The following TXLNG variants were observed in gnomAD, a reference collection of about 807,000 sequenced individuals.
TXLNG encodes the protein taxilin gamma.
In TXLNG, 5 loss-of-function variants were observed where a neutral mutation model predicts 38.8. That is an observed-to-expected ratio of 0.13 (90% CI 0.07 to 0.27). The LOEUF (loss-of-function observed/expected upper bound fraction) is 0.27. Among genes scored for constraint, TXLNG ranks in the 10% least tolerant of loss-of-function variants. The probability of loss-of-function intolerance (pLI) is 1.00; values close to 1 mark genes in which losing one functional copy is unlikely to be tolerated. For synonymous variants in TXLNG, 182 were observed against 158.2 expected, an observed-to-expected ratio of 1.15 and a Z score of -1.13; for missense variants, 393 against 398.2, an observed-to-expected ratio of 0.99 and a Z score of 0.11.
chrX:16,842,161 CATA>C lies in TXLNG; in HGVS notation c.*399_*401del, dbSNP rs1359534355. 1 of 104,484 alleles carries C rather than the reference CATA, an allele frequency of 9.6e-6. No individual in the cohort carries two copies. The highest frequency in any genetic ancestry group is 3.8e-5 in the African/African-American group (1 of 26,158). 8.6% of individuals were successfully genotyped at this position (104,484 alleles called of 1,213,427 possible). On this transcript the variant is annotated 3_prime_UTR_variant, in exon 10 of 10. Coordinates refer to ENST00000380122, the MANE Select transcript of TXLNG (RefSeq NM_018360.3). The stretch of plus-strand genomic sequence containing the variant: ...ATTTAAACGTCTTAGCCCCCCCCCC[CATA>C]ATATTATTCAGAAAAACAAAATACC...
intron 8 of TXLNG, among the ~76,000 whole-genome samples, chrX:16,838,803 C>T (rs1360765943): frequency 8.9e-6 from 1 of 112,020 alleles, no homozygotes; most frequent in Non-Finnish European, 1.9e-5. Context: ...TTCCCGCCTC[C>T]TGGATCTGCC....
At chrX:16,822,357 A>G (rs1403163998) in intron 3 of TXLNG, among the ~76,000 whole-genome samples, 12 of 110,701 alleles carry the variant, frequency 1.1e-4, no homozygotes, top group Non-Finnish European at 2.3e-4. Flanking sequence ...AAAAAAAATG[A>G]CAGTTACTTT....
In TXLNG at chrX:16,829,639, C is replaced by T; in HGVS notation, c.733C>T (p.Gln245Ter). 1 of 1,211,715 alleles carries T rather than the reference C, an allele frequency of 8.3e-7. No individual in the cohort carries two copies. The highest frequency in any genetic ancestry group is 1.1e-6 in the Non-Finnish European group (1 of 895,495). Residue 245 changes from glutamine (Q) to a stop codon, truncating the protein, a stop_gained, in exon 5 of 10, where the codon CAG (glutamine) becomes TAG (stop). Transcript: ENST00000380122. LOFTEE classifies it high-confidence loss of function. ...ERRKEATAHFQITLNEIQAQL... is the reference protein window; with the variant it reads ...ERRKEATAHF ...ACGTAAAGAAGCAACTGCACATTTCCAGATTACCTTAAATGAAATTCAAGC... is the reference window on the plus strand; with the variant it reads ...ACGTAAAGAAGCAACTGCACATTTCTAGATTACCTTAAATGAAATTCAAGC...
At chrX:16,792,306 T>C (rs1927729859) in intron 1 of TXLNG, among the ~76,000 whole-genome samples, 1 of 111,820 alleles carries the variant, frequency 8.9e-6, no homozygotes, top group Non-Finnish European at 1.9e-5. Context: ...TAATTGATAG[T>C]ATGACAGATG....
chrX:16,838,377 G>T (rs1326233908), intron 8 of TXLNG, among the ~76,000 whole-genome samples: 1 of 111,934 alleles, frequency 8.9e-6, no homozygotes, highest in East Asian at 2.8e-4. Flanking sequence ...CACTTTGTTA[G>T]CATTCAGTAG....
chrX:16,801,456 G>T (rs1602362720), intron 1 of TXLNG, among the ~76,000 whole-genome samples: 1 of 112,157 alleles, frequency 8.9e-6, no homozygotes, highest in East Asian at 2.8e-4. Flanking sequence ...AAAGTGCTGG[G>T]ATTGCAGGCG....
chrX:16,792,851 C>T (rs1927750834), intron 1 of TXLNG, among the ~76,000 whole-genome samples: 1 of 110,165 alleles, frequency 9.1e-6, no homozygotes, highest in Non-Finnish European at 1.9e-5. Context: ...AATCCCAGCA[C>T]TTTGGAAGGC....
At position 16,843,039 on chromosome X, in the gene TXLNG, A is replaced by C. The variant is rs1929919488; in HGVS notation, c.*1273A>C. 8.9e-6 allele frequency: 1 copy of C among 112,506 alleles called. No homozygotes were observed. Among genetic ancestry groups the C allele is most frequent in the Non-Finnish European group, 1.9e-5 (1 of 53,329 alleles). The allele number at this position is 112,506 out of a possible 1,213,427, so 9.3% of individuals were successfully genotyped here. A position where few individuals can be genotyped will look rare whatever the true frequency, so the allele number is the denominator to read the frequency against. On this transcript the variant is annotated 3_prime_UTR_variant, in exon 10 of 10. Coordinates refer to ENST00000380122, the MANE Select transcript of TXLNG (RefSeq NM_018360.3). The stretch of plus-strand genomic sequence containing the variant: ...TGTTGAATGTGGCGCAGTTATGCAG[A>C]TGATTAATCAGGCTGCACTGATGGA...
intron 3 of TXLNG, among the ~76,000 whole-genome samples, chrX:16,821,327 A>C (rs1445265474): frequency 1.9e-5 from 2 of 104,005 alleles, no homozygotes; most frequent in Non-Finnish European, 3.9e-5. Flanking sequence ...TTTTTAGTAG[A>C]GATGGGTTTC....
chrX:16,821,357 T>C (rs1045599984), intron 3 of TXLNG, among the ~76,000 whole-genome samples: 3 of 109,629 alleles, frequency 2.7e-5, no homozygotes, highest in Non-Finnish European at 5.7e-5. Context: ...GCCAGGATGC[T>C]CTCCATCTCC....
At position 16,802,844 on chromosome X, in the gene TXLNG, A is replaced by G. The variant is rs1164519534; in HGVS notation, c.103-15730A>G. Among the ~76,000 whole-genome samples the G allele has an allele frequency of 3.0e-5, 3 of 99,638 alleles. No individual in the cohort carries two copies. In the South Asian group the frequency reaches 1.4e-3, roughly 46 times the overall value. 86.5% of individuals were successfully genotyped at this position (99,638 alleles called of 115,157 possible). ...TTCTTTTTTTTTTTTTTTTTGAGAC[A>G]GAGTTTTGCTCTTTTGCCCAGGTTG... On this transcript the variant is annotated intron_variant, in intron 1 of 9. Coordinates refer to ENST00000380122, the MANE Select transcript of TXLNG (RefSeq NM_018360.3).
At chrX:16,832,568 C>T in intron 5 of TXLNG, 55 bp from the exon 6 acceptor site, 2 of 1,205,225 alleles carry the variant, frequency 1.7e-6, no homozygotes, top group Non-Finnish European at 2.2e-6. Flanking sequence ...ATGTTTCCTC[C>T]CCACTGTGTT....
rs549159437 is a variant in TXLNG at position 16,795,801 on chromosome X, T to C, written c.102+9212T>C. On this transcript the variant is annotated intron_variant, in intron 1 of 9. Transcript: ENST00000380122. ...TGCCATACAGTTTGCCCATTTATAG[T>C]GTATAATTCAATTTTTTTTTTTTTT... Among the ~76,000 whole-genome samples, 28 of 110,314 alleles carry C rather than the reference T, an allele frequency of 2.5e-4. 1 individual carries two copies. The South Asian group carries it at 9.7e-3, about 38-fold the overall frequency.
At chrX:16,838,246 G>A (rs1421539775) in intron 8 of TXLNG, among the ~76,000 whole-genome samples, 1 of 111,966 alleles carries the variant, frequency 8.9e-6, no homozygotes, top group Non-Finnish European at 1.9e-5. Flanking sequence ...AAGGACCAAA[G>A]TATATAATTC....
chrX:16,836,192 G>A (rs1293229728), intron 7 of TXLNG, among the ~76,000 whole-genome samples: 1 of 111,943 alleles, frequency 8.9e-6, no homozygotes, highest in East Asian at 2.8e-4. Flanking sequence ...CAAGAGGGAG[G>A]TCGAGGCTGC....
chrX:16,833,624 T>TACACAC (rs373147838), intron 6 of TXLNG, among the ~76,000 whole-genome samples: 69 of 109,049 alleles, frequency 6.3e-4, no homozygotes, highest in African/African-American at 2.2e-3. Context: ...ATAAATTTTA[T>TACACAC]ACACACACAC....
At chrX:16,841,051 T>C (rs1929792821) in intron 9 of TXLNG, among the ~76,000 whole-genome samples, 1 of 109,944 alleles carries the variant, frequency 9.1e-6, no homozygotes, top group Non-Finnish European at 1.9e-5. Context: ...AAAAATTAGC[T>C]GGGCGTGGTG....
At chrX:16,816,324 T>C (rs780867278) in intron 1 of TXLNG, among the ~76,000 whole-genome samples, 44 of 111,893 alleles carry the variant, frequency 3.9e-4, no homozygotes, top group Admixed American at 1.2e-3. Flanking sequence ...GTTTCTACAG[T>C]AGTGAAATCT....
At chrX:16,837,509 TA>T in intron 7 of TXLNG, 83 bp from the exon 8 acceptor site, 1 of 633,868 alleles carries the variant, frequency 1.6e-6, no homozygotes, top group African/African-American at 2.2e-5. Context: ...TTGTAATAAG[TA>T]ACCATACTAC....
Sources: allele counts gnomAD v4.1 joint callset (sites outside exome capture counted in the v4.1 genomes callset), GRCh38; gene constraint gnomAD v4.1.1; transcripts MANE v1.5; gene names NCBI Gene and HGNC (gene_info 2026-07-23, HGNC 2026-07-21).